The following CCSER2 variants were observed in gnomAD, a reference collection of about 807,000 sequenced individuals.
The protein encoded by CCSER2 is serine-rich coiled-coil domain-containing protein 2.
In CCSER2, 46 loss-of-function variants were observed where a neutral mutation model predicts 92.3. The observed-to-expected ratio is 0.50, with a 90% CI of 0.39 to 0.64. The LOEUF (loss-of-function observed/expected upper bound fraction) is 0.64, where lower values mean the gene tolerates loss of function less well. CCSER2 is among the 30% of genes least tolerant of loss of function. CCSER2 has a pLI of 0.00. For missense variants in CCSER2, 1,244 were observed against 1,238.9 expected (o/e 1.00, Z -0.06); for synonymous variants, 433 against 431.4 (o/e 1.00, Z -0.04).
chr10:84,371,995 T>G lies in CCSER2; in HGVS notation c.943T>G (p.Tyr315Asp). ...CCCAGGTGTAACTTCTACTTTAGGTTATAGAATGGTTCATCCCTCTCTACT... is the reference window on the plus strand; with the variant it reads ...CCCAGGTGTAACTTCTACTTTAGGTGATAGAATGGTTCATCCCTCTCTACT... ...NGPGVTSTLGYRMVHPSLLKS... is the reference protein window; with the variant it reads ...NGPGVTSTLGDRMVHPSLLKS... Residue 315 changes from tyrosine to aspartate, a missense_variant, in exon 2 of 10, where the codon TAT becomes GAT. Coordinates refer to ENST00000372088, the MANE Select transcript of CCSER2 (RefSeq NM_001284240.2). 6.2e-7 allele frequency: 1 copy of G among 1,613,766 alleles called. No individual in the cohort carries two copies. Among genetic ancestry groups the G allele is most frequent in the Non-Finnish European group, 8.5e-7 (1 of 1,179,772 alleles).
intron 9 of CCSER2, among the ~76,000 whole-genome samples, chr10:84,488,297 A>T (rs897691407): frequency 3.9e-5 from 6 of 152,278 alleles, no homozygotes; most frequent in African/African-American, 7.2e-5. Context: ...ATTGATTGGA[A>T]TAGTTTCAGA....
chr10:84,351,030 A>G (rs1486017370), intron 1 of CCSER2, among the ~76,000 whole-genome samples: 2 of 152,356 alleles, frequency 1.3e-5, no homozygotes, highest in South Asian at 2.1e-4. Context: ...AATATATTGT[A>G]GCCCTTAAAA....
chr10:84,332,476 G>A (rs781767050), intron 1 of CCSER2, among the ~76,000 whole-genome samples: 13 of 81,370 alleles, frequency 1.6e-4, no homozygotes, highest in Non-Finnish European at 2.7e-4. Flanking sequence ...GTCTTGCTCT[G>A]TTGCCAGGCT....
intron 9 of CCSER2, among the ~76,000 whole-genome samples, chr10:84,503,008 A>G (rs965270741): frequency 1.3e-5 from 2 of 152,040 alleles, no homozygotes; most frequent in African/African-American, 4.8e-5. Flanking sequence ...GCGGATCACG[A>G]GGTCAGGAGA....
chr10:84,491,698 G>A (rs1042386629), intron 9 of CCSER2, among the ~76,000 whole-genome samples: 4 of 152,142 alleles, frequency 2.6e-5, no homozygotes, highest in Admixed American at 2.6e-4. Context: ...CGGGTGAGGG[G>A]ATGCCTCGCC....
intron 3 of CCSER2, chr10:84,389,207 A>G (rs1841389964): frequency 2.4e-6 from 1 of 410,740 alleles, no homozygotes; most frequent in Non-Finnish European, 4.7e-6. Flanking sequence ...TATGTCATCT[A>G]TGATGTCATG....
At chr10:84,490,955 A>C (rs532086278) in intron 9 of CCSER2, among the ~76,000 whole-genome samples, 47 of 152,236 alleles carry the variant, frequency 3.1e-4, no homozygotes, top group African/African-American at 1.1e-3. Context: ...TTTTCCTTCT[A>C]ATAGTCAGGA....
chr10:84,412,136 G>C (rs1002950719), intron 3 of CCSER2, among the ~76,000 whole-genome samples: 1 of 152,030 alleles, frequency 6.6e-6, no homozygotes, highest in Non-Finnish European at 1.5e-5. Flanking sequence ...TGTTGAAACA[G>C]GCCTTGCATC....
chr10:84,431,840 T>A (rs1450148808), intron 5 of CCSER2, among the ~76,000 whole-genome samples: 1 of 152,226 alleles, frequency 6.6e-6, no homozygotes, highest in East Asian at 1.9e-4. Context: ...GTTTTAACAA[T>A]TATTAATAAA....
intron 6 of CCSER2, among the ~76,000 whole-genome samples, chr10:84,442,600 C>T (rs1196309907): frequency 6.6e-6 from 1 of 152,066 alleles, no homozygotes; most frequent in African/African-American, 2.4e-5. Flanking sequence ...AATCTCTTTT[C>T]TCATTTCTAA....
At chr10:84,412,763 A>G (rs1842717071) in intron 3 of CCSER2, among the ~76,000 whole-genome samples, 1 of 152,202 alleles carries the variant, frequency 6.6e-6, no homozygotes, top group Non-Finnish European at 1.5e-5. Flanking sequence ...AACCAGAAAC[A>G]TATGGGTACT....
intron 9 of CCSER2, among the ~76,000 whole-genome samples, chr10:84,497,585 G>A (rs61866513): frequency 0.1 from 15,238 of 152,232 alleles, 964 homozygotes; most frequent in Admixed American, 0.15. Flanking sequence ...TGCTACAGCT[G>A]CATCTCTAGA....
At chr10:84,468,057 T>C (rs1846556125) in intron 7 of CCSER2, among the ~76,000 whole-genome samples, 1 of 152,228 alleles carries the variant, frequency 6.6e-6, no homozygotes, top group African/African-American at 2.4e-5. Context: ...CATGGCTCTC[T>C]GTGATCTGGC....
At chr10:84,441,735 T>A (rs974869552) in intron 6 of CCSER2, among the ~76,000 whole-genome samples, 2,508 of 40,654 alleles carry the variant, frequency 0.062, 52 homozygotes, top group Middle Eastern at 0.12. Flanking sequence ...ACTGGGAAAA[T>A]GTTTTTTTTT....
At chr10:84,377,072 A>G (rs1309291197) in intron 3 of CCSER2, among the ~76,000 whole-genome samples, 1 of 152,098 alleles carries the variant, frequency 6.6e-6, no homozygotes, top group East Asian at 1.9e-4. Flanking sequence ...TTTTATATCA[A>G]TATGTAGATG....
chr10:84,453,381 A>T (rs1454224009), intron 6 of CCSER2, among the ~76,000 whole-genome samples: 1 of 152,206 alleles, frequency 6.6e-6, no homozygotes, highest in Admixed American at 6.5e-5. Context: ...CACAAAATTG[A>T]GGCTATTATG....
intron 9 of CCSER2, among the ~76,000 whole-genome samples, chr10:84,512,194 G>A (rs1401998387): frequency 6.6e-6 from 1 of 152,050 alleles, no homozygotes; most frequent in African/African-American, 2.4e-5. Flanking sequence ...AAACACAAAT[G>A]ATGCAGTATA....
intron 9 of CCSER2, among the ~76,000 whole-genome samples, chr10:84,512,304 T>C (rs1419014475): frequency 2.0e-5 from 3 of 151,272 alleles, no homozygotes; most frequent in African/African-American, 4.9e-5. Context: ...AATGGCCCTC[T>C]GAATTTCATG....
intron 6 of CCSER2, among the ~76,000 whole-genome samples, chr10:84,461,465 C>T (rs976372532): frequency 6.6e-6 from 1 of 152,128 alleles, no homozygotes; most frequent in African/African-American, 2.4e-5. Context: ...TGTTCCTGAG[C>T]AGGCTCTGTC....
Sources: gnomAD v4.1 joint callset for allele counts (sites outside exome capture counted in the v4.1 genomes callset) on GRCh38, gnomAD v4.1.1 for gene constraint, MANE v1.5 for transcripts, NCBI Gene and HGNC (gene_info 2026-07-23, HGNC 2026-07-21) for gene names.